OPCML: variants seen among roughly 807,000 people sequenced by gnomAD.
The protein encoded by OPCML is opioid binding protein/cell adhesion molecule like.
In OPCML, 13 loss-of-function variants were observed where a neutral mutation model predicts 37.8. That is an observed-to-expected ratio of 0.34 (90% CI 0.22 to 0.55). The LOEUF (loss-of-function observed/expected upper bound fraction) is 0.55. Among genes scored for constraint, OPCML ranks in the 20% least tolerant of loss-of-function variants. OPCML has a pLI of 0.91. For missense variants in OPCML, 341 were observed against 435.6 expected, an observed-to-expected ratio of 0.78 and a Z score of 1.93; for synonymous variants, 176 against 168.8, an observed-to-expected ratio of 1.04 and a Z score of -0.33.
At chr11:133,361,091 C>G (rs968851648) in intron 1 of OPCML, 1 of 152,418 alleles carries the variant, frequency 6.6e-6, no homozygotes, top group African/African-American at 2.4e-5. Context: ...GGGACACTTC[C>G]TATGACCCCC....
rs115869937 is a variant in OPCML, at chr11:133,269,342, A to G, written c.61+262922T>C. On this transcript the variant is annotated intron_variant, in intron 1 of 7. Transcript: ENST00000524381. ...GACATTCTGCAGAAAGCAGGTGTAT[A>G]TGACTGAACAGGGAGAAGGGACTTT... is the stretch of plus-strand genomic sequence containing the variant. Among the ~76,000 whole-genome samples the G allele has an allele frequency of 2.1e-3, 313 of 152,332 alleles. 1 individual carries two copies. The highest frequency in any genetic ancestry group is 7.1e-3 in the African/African-American group (295 of 41,574).
chr11:133,327,120 TG>T (rs906823106), intron 1 of OPCML, among the ~76,000 whole-genome samples: 8 of 69,558 alleles, frequency 1.2e-4, no homozygotes, highest in African/African-American at 4.7e-4. Context: ...GGGGAGGGTG[TG>T]GGTGTGTGGG....
chr11:132,555,946 AT>A (rs151146912), intron 3 of OPCML, among the ~76,000 whole-genome samples: 5 of 149,896 alleles, frequency 3.3e-5, no homozygotes, highest in African/African-American at 9.8e-5. Context: ...AAAATTTTGG[AT>A]TTTTTTTTTG....
At chr11:133,099,708 T>C (rs140818768) in intron 1 of OPCML, among the ~76,000 whole-genome samples, 2 of 152,162 alleles carry the variant, frequency 1.3e-5, no homozygotes, top group African/African-American at 4.8e-5. Context: ...TGGATGCATG[T>C]CTGTCTTCTT....
At chr11:133,100,341 A>G (rs572143390) in intron 1 of OPCML, among the ~76,000 whole-genome samples, 67 of 152,332 alleles carry the variant, frequency 4.4e-4, no homozygotes, top group Non-Finnish European at 7.2e-4. Context: ...AAAAAGTAAA[A>G]GGCTAAGACT....
intron 2 of OPCML, among the ~76,000 whole-genome samples, chr11:132,865,936 T>C (rs1454344931): frequency 2.0e-5 from 3 of 152,178 alleles, no homozygotes; most frequent in Non-Finnish European, 4.4e-5. Context: ...ATAATGGCTA[T>C]TGCCAGGAAT....
At chr11:132,778,580 G>T (rs781395870) in intron 2 of OPCML, among the ~76,000 whole-genome samples, 1 of 152,192 alleles carries the variant, frequency 6.6e-6, no homozygotes, top group Non-Finnish European at 1.5e-5. Context: ...GAATTTTGCA[G>T]TCTCATTCTA....
intron 1 of OPCML, among the ~76,000 whole-genome samples, chr11:133,353,992 AT>A (rs11336407): frequency 0.59 from 89,834 of 151,564 alleles, 26,925 homozygotes; most frequent in East Asian, 0.82. Context: ...CTTTTCCCAC[AT>A]TTTTTTTGCC....
At chr11:132,433,261 G>A (rs1167689958) in intron 7 of OPCML, among the ~76,000 whole-genome samples, 1 of 152,220 alleles carries the variant, frequency 6.6e-6, no homozygotes, top group Non-Finnish European at 1.5e-5. Flanking sequence ...ACAGTATTCA[G>A]TGAGTCATGC....
At position 133,452,465 on chromosome 11, in the gene OPCML, T is replaced by C. The variant is rs149205296; in HGVS notation, c.61+79799A>G. 6.0e-4 allele frequency among the ~76,000 whole-genome samples: 91 copies of C among 151,512 alleles called. No individual in the cohort carries two copies. In the East Asian group the frequency reaches 0.014, roughly 23 times the overall value. On this transcript the variant is annotated intron_variant, in intron 1 of 7. Transcript: ENST00000524381. ...ATTATCTTGGAGTTCAATTAGTTTA[T>C]ATAGTATGATAGCAGATAGTCTGGT...
At chr11:132,992,268 C>T (rs1438008154) in intron 1 of OPCML, among the ~76,000 whole-genome samples, 2 of 152,036 alleles carry the variant, frequency 1.3e-5, no homozygotes, top group African/African-American at 4.8e-5. Context: ...CATATATATA[C>T]ACACACATAC....
intron 1 of OPCML, among the ~76,000 whole-genome samples, chr11:133,014,484 A>T (rs544715386): frequency 6.6e-6 from 1 of 152,214 alleles, no homozygotes; most frequent in African/African-American, 2.4e-5. Context: ...CTCCTTCCCC[A>T]TGAAGGAAGG....
At chr11:133,477,687 T>A (rs149979450) in intron 1 of OPCML, among the ~76,000 whole-genome samples, 89 of 152,310 alleles carry the variant, frequency 5.8e-4, no homozygotes, top group Non-Finnish European at 1.1e-3. Flanking sequence ...CGCATGTCCA[T>A]CACGGGCCAG....
intron 1 of OPCML, among the ~76,000 whole-genome samples, chr11:132,992,536 A>G (rs1366771867): frequency 6.6e-6 from 1 of 152,090 alleles, no homozygotes; most frequent in African/African-American, 2.4e-5. Context: ...CGAGGGTGCG[A>G]CGGAACAAAA....
At chr11:132,544,345 A>G (rs548123269) in intron 3 of OPCML, among the ~76,000 whole-genome samples, 49 of 152,320 alleles carry the variant, frequency 3.2e-4, no homozygotes, top group Admixed American at 1.4e-3. Flanking sequence ...ACCAGGAACT[A>G]AGGCTCCCAT....
chr11:133,131,883 A>C (rs1485522543), intron 1 of OPCML, among the ~76,000 whole-genome samples: 1 of 152,176 alleles, frequency 6.6e-6, no homozygotes, highest in Non-Finnish European at 1.5e-5. Flanking sequence ...CTTTAAACAA[A>C]TGGTGCTGGA....
chr11:132,428,152 G>A (rs534483921), intron 7 of OPCML, among the ~76,000 whole-genome samples: 1 of 152,286 alleles, frequency 6.6e-6, no homozygotes, highest in South Asian at 2.1e-4. Context: ...AGGGAGATCT[G>A]GGATGGGGGT....
At chr11:132,771,260 TG>T (rs2136123347) in intron 2 of OPCML, among the ~76,000 whole-genome samples, 1 of 152,314 alleles carries the variant, frequency 6.6e-6, no homozygotes, top group South Asian at 2.1e-4. Flanking sequence ...ATCTATACAA[TG>T]CATTTTTTCC....
In OPCML at chr11:133,070,430, A is replaced by C. The variant is rs112284822; in HGVS notation, c.62-127420T>G. On this transcript the variant is annotated intron_variant, in intron 1 of 7. Coordinates refer to ENST00000524381, the MANE Select transcript of OPCML (RefSeq NM_001012393.5). ...GGTCCATTTAGGCTCAAGATTTCATAATCTCTACCCAGCATCGCCTGGGAG... is the reference window on the plus strand; with the variant it reads ...GGTCCATTTAGGCTCAAGATTTCATCATCTCTACCCAGCATCGCCTGGGAG... 4.7e-3 allele frequency among the ~76,000 whole-genome samples: 720 copies of C among 152,228 alleles called. 4 individuals are homozygous for C. The highest frequency in any genetic ancestry group is 0.016 in the African/African-American group (654 of 41,540).
Sources: gnomAD v4.1 joint callset for allele counts (sites outside exome capture counted in the v4.1 genomes callset) on GRCh38, gnomAD v4.1.1 for gene constraint, MANE v1.5 for transcripts, NCBI Gene and HGNC (gene_info 2026-07-23, HGNC 2026-07-21) for gene names.